The following RAPH1 variants were observed in gnomAD, a reference collection of about 807,000 sequenced individuals.
RAPH1 encodes Ras association (RalGDS/AF-6) and pleckstrin homology domains 1.
Under a neutral mutation model 88.1 loss-of-function variants are expected in RAPH1, and 18 were observed. The ratio of observed to expected loss-of-function variants is 0.20; its 90% confidence interval spans 0.14 to 0.30. The LOEUF (loss-of-function observed/expected upper bound fraction) is 0.30, where lower values mean the gene tolerates loss of function less well. RAPH1 is among the 10% of genes least tolerant of loss of function. RAPH1 has a pLI of 1.00. For missense variants in RAPH1, 1,448 were observed against 1,543.2 expected (o/e 0.94, Z 1.03); for synonymous variants, 587 against 559.0 (o/e 1.05, Z -0.71).
At chr2:203,492,204 A>G (rs1688298800) in intron 2 of RAPH1, among the ~76,000 whole-genome samples, 1 of 149,316 alleles carries the variant, frequency 6.7e-6, no homozygotes, top group Non-Finnish European at 1.5e-5. Flanking sequence ...ACTGCACTCC[A>G]GCCTGGGCGA....
intron 1 of RAPH1, among the ~76,000 whole-genome samples, chr2:203,519,533 T>TTAACA (rs1689771476): frequency 6.6e-6 from 1 of 152,030 alleles, no homozygotes; most frequent in Non-Finnish European, 1.5e-5. Flanking sequence ...AACCCCACAA[T>TTAACA]TAACATAACA....
chr2:203,439,737 C>G lies in RAPH1; in HGVS notation c.3453G>C (p.Val1151=). The G allele has an allele frequency of 6.2e-7, 1 of 1,614,056 alleles. No individual in the cohort carries two copies. The stretch of plus-strand genomic sequence containing the variant: ...TAAGGCTGGATTTGGGAGAGGTGGG[C>G]ACTTGTGGCACAACTGTGGCCATTG... ...QPTMATVVPQ[V]PTSPKSSLSV... Residue 1151 remains valine, a synonymous_variant, in exon 14 of 14, where the codon GTG becomes GTC. Coordinates refer to ENST00000319170, the MANE Select transcript of RAPH1 (RefSeq NM_213589.3).
intron 1 of RAPH1, among the ~76,000 whole-genome samples, chr2:203,506,879 TAGA>T (rs1689103156): frequency 1.2e-5 from 1 of 81,208 alleles, no homozygotes; most frequent in African/African-American, 5.3e-5. Context: ...TATATATATA[TAGA>T]TATATATATA....
chr2:203,441,046 G>C lies in RAPH1; in HGVS notation c.2144C>G (p.Pro715Arg). The change falls in exon 14 of 14, where the codon CCT becomes CGT. Residue 715 changes from proline to arginine, a missense_variant. This residue lies in a region of RAPH1 where 935 missense variants were observed against 890.1 expected (regional missense o/e 1.05). Transcript: ENST00000319170. ...AGAGCCTGGGGTTGGGGGTGGAGGA[G>C]GGGGAGGGGGTGGTGGAACAACTCC... The part of the protein sequence containing the change: ...PNGVVPPPPP[P>R]PPPPTPGSAM... 1 of 1,499,404 alleles carries C rather than the reference G, an allele frequency of 6.7e-7. No individual in the cohort carries two copies. Among genetic ancestry groups the C allele is most frequent in the Non-Finnish European group, 9.1e-7 (1 of 1,096,456 alleles). The allele number at this position is 1,499,404 out of a possible 1,614,324, so 92.9% of individuals were successfully genotyped here.
chr2:203,447,362 G>C (rs927165925), intron 12 of RAPH1: 1 of 152,072 alleles, frequency 6.6e-6, no homozygotes, highest in Non-Finnish European at 1.5e-5. Context: ...ACTAGGAAAT[G>C]TATGTGTATA....
At chr2:203,451,413 G>A (rs2098514810) in intron 10 of RAPH1, among the ~76,000 whole-genome samples, 1 of 152,128 alleles carries the variant, frequency 6.6e-6, no homozygotes, top group African/African-American at 2.4e-5. Flanking sequence ...TTGAACCCAT[G>A]CAATCTCATC....
At position 203,489,813 on chromosome 2, in the gene RAPH1, T is replaced by C. The variant is rs1455950444; in HGVS notation, c.503A>G (p.Asp168Gly). The C allele has an allele frequency of 6.2e-7, 1 of 1,614,112 alleles. No homozygotes were observed. Among genetic ancestry groups the C allele is most frequent in the Non-Finnish European group, 8.5e-7 (1 of 1,180,036 alleles). Reference protein sequence around the residue: ...AQLEQASLSMDEAAQQSVLED... With the variant: ...AQLEQASLSMGEAAQQSVLED... ...TAGTACAGATTGCTGAGCAGCCTCA[T>C]CCATACTCAAAGAGGCCTGTTCTAA... is the stretch of plus-strand genomic sequence containing the variant. Residue 168 changes from aspartate to glycine, a missense_variant, in exon 4 of 14, where the codon GAT (aspartate) becomes GGT (glycine). Physicochemically the swap from Asp to Gly is moderately conservative, Grantham distance 94. Coordinates refer to ENST00000319170, the MANE Select transcript of RAPH1 (RefSeq NM_213589.3).
chr2:203,496,323 A>C (rs1219984686), intron 1 of RAPH1, among the ~76,000 whole-genome samples: 1 of 152,160 alleles, frequency 6.6e-6, no homozygotes, highest in Non-Finnish European at 1.5e-5. Flanking sequence ...ATGCCACTGC[A>C]CTCCAGTGTG....
chr2:203,441,434 G>T, intron 13 of RAPH1, 21 bp from the exon 14 acceptor site: 2 of 1,507,442 alleles, frequency 1.3e-6, no homozygotes, highest in Non-Finnish European at 1.8e-6. Flanking sequence ...TATAAAAAGG[G>T]AGTGGGAGAG....
chr2:203,508,480 TAC>T (rs1229781134), intron 1 of RAPH1, among the ~76,000 whole-genome samples: 1 of 152,144 alleles, frequency 6.6e-6, no homozygotes, highest in African/African-American at 2.4e-5. Flanking sequence ...GGTTTGAAAT[TAC>T]AGTTTTCCCT....
intron 2 of RAPH1, among the ~76,000 whole-genome samples, chr2:203,492,519 T>C (rs1046762952): frequency 6.6e-6 from 1 of 152,194 alleles, no homozygotes; most frequent in African/African-American, 2.4e-5. Flanking sequence ...AATCATACTG[T>C]ATACTTTGGG....
rs1276111710 is a variant in RAPH1, at chr2:203,489,746, G to A, written c.570C>T (p.Thr190=). 48 of 1,614,044 alleles carry A rather than the reference G, an allele frequency of 3.0e-5. No individual in the cohort carries two copies. The highest frequency in any genetic ancestry group is 8.0e-5 in the African/African-American group (6 of 74,912). The change falls in exon 4 of 14, where the codon ACC becomes ACT. Residue 190 remains threonine, a synonymous_variant. Coordinates refer to ENST00000319170, the MANE Select transcript of RAPH1 (RefSeq NM_213589.3). ...CATCACTCACTGTGCCTGCTGACGCGGTTCTTCTGTGCTGATTAGTTACTA... is the reference window on the plus strand; with the variant it reads ...CATCACTCACTGTGCCTGCTGACGCAGTTCTTCTGTGCTGATTAGTTACTA... ...KPLVTNQHRR[T]ASAGTVSDAE... is the part of the protein sequence containing the mutation.
In RAPH1 at chr2:203,518,624, T is replaced by C. The variant is rs765108658; in HGVS notation, c.-1+16487A>G. ...TGCTTTGAGAGGCCAAGCGGGAGGA[T>C]TGCTTGAGGCCAGGAGTTCAACACC... is the stretch of plus-strand genomic sequence containing the variant. On this transcript the variant is annotated intron_variant, in intron 1 of 13. Transcript: ENST00000319170. Among the ~76,000 whole-genome samples, 9 of 151,742 alleles carry C rather than the reference T, an allele frequency of 5.9e-5. 1 individual carries two copies. The highest frequency in any genetic ancestry group is 6.9e-3 in the Middle Eastern group (2 of 290).
At chr2:203,456,899 A>G (rs1230225086) in intron 8 of RAPH1, among the ~76,000 whole-genome samples, 1 of 152,194 alleles carries the variant, frequency 6.6e-6, no homozygotes, top group Admixed American at 6.5e-5. Context: ...ATTATATTCA[A>G]ATTTCTCTCT....
intron 4 of RAPH1, among the ~76,000 whole-genome samples, chr2:203,473,911 T>G (rs907769292): frequency 1.3e-5 from 2 of 152,282 alleles, no homozygotes; most frequent in East Asian, 3.9e-4. Flanking sequence ...AACTTTTGAG[T>G]GTGGAACCAT....
At chr2:203,506,830 ATC>A (rs1689068389) in intron 1 of RAPH1, among the ~76,000 whole-genome samples, 8 of 19,752 alleles carry the variant, frequency 4.1e-4, no homozygotes, top group Admixed American at 1.4e-3. Context: ...CTATATATAT[ATC>A]TATATCTATA....
At position 203,501,410 on chromosome 2, in the gene RAPH1, G is replaced by C. The variant is rs570671929; in HGVS notation, c.1-6057C>G. Among the ~76,000 whole-genome samples, 6 of 152,256 alleles carry C rather than the reference G, an allele frequency of 3.9e-5. No homozygotes were observed. In the South Asian group the frequency reaches 1.0e-3, roughly 26 times the overall value. ...TTAGTTCTGCTGTGAATGAAGTGCT[G>C]TTATTTATAAATTGCCCAAATGGAA... On this transcript the variant is annotated intron_variant, in intron 1 of 13. Coordinates refer to ENST00000319170, the MANE Select transcript of RAPH1 (RefSeq NM_213589.3).
chr2:203,454,946 C>T (rs569580794), intron 9 of RAPH1, among the ~76,000 whole-genome samples: 1 of 152,136 alleles, frequency 6.6e-6, no homozygotes, highest in South Asian at 2.1e-4. Context: ...GAGGTTTTCA[C>T]CAGTTAAATA....
chr2:203,441,016 A>T lies in RAPH1; in HGVS notation c.2174T>A (p.Met725Lys). The T allele has an allele frequency of 1.8e-6, 2 of 1,105,418 alleles. No homozygotes were observed. Among genetic ancestry groups the T allele is most frequent in the Middle Eastern group, 3.0e-4 (1 of 3,322 alleles). The allele number at this position is 1,105,418 out of a possible 1,614,324, so 68.5% of individuals were successfully genotyped here. A position where few individuals can be genotyped will look rare whatever the true frequency, so the allele number is the denominator to read the frequency against. ...ACACGGTGCAGGCTTTAGCTGGGCC[A>T]TGGCAGAGCCTGGGGTTGGGGGTGG... ...PPPPPTPGSA[M>K]AQLKPAPCAP... is the part of the protein sequence containing the mutation. The change falls in exon 14 of 14, where the codon ATG (methionine) becomes AAG (lysine). Residue 725 changes from methionine to lysine, a missense_variant. Met to Lys is a moderately conservative substitution (Grantham distance 95). Around this residue, in one of 2 missense-constraint regions of RAPH1, gnomAD observed 935 missense variants for 890.1 expected, o/e 1.05. Coordinates refer to ENST00000319170, the MANE Select transcript of RAPH1 (RefSeq NM_213589.3).
Sources: gnomAD v4.1 joint callset for allele counts (sites outside exome capture counted in the v4.1 genomes callset) on GRCh38, gnomAD v4.1.1 for gene constraint, gnomAD v4.1.1 regional missense constraint, MANE v1.5 for transcripts, NCBI Gene and HGNC (gene_info 2026-07-23, HGNC 2026-07-21) for gene names.